Variants in TSBP1 observed in about 807,000 individuals in gnomAD.
The protein encoded by TSBP1 is testis expressed basic protein 1, also known as testis-expressed basic protein 1.
In TSBP1, 56 loss-of-function variants were observed where a neutral mutation model predicts 68.8. The observed-to-expected ratio is 0.81, with a 90% CI of 0.66 to 1.02. TSBP1 has a LOEUF of 1.02. Among genes scored for constraint, TSBP1 ranks in the 50% least tolerant of loss-of-function variants. TSBP1 has a pLI of 0.00. For missense variants in TSBP1, 502 were observed against 641.2 expected, an observed-to-expected ratio of 0.78 and a Z score of 2.34; for synonymous variants, 171 against 208.7, an observed-to-expected ratio of 0.82 and a Z score of 1.56.
chr6:32,353,759 A>C (rs964061551), intron 8 of TSBP1, among the ~76,000 whole-genome samples: 1 of 152,008 alleles, frequency 6.6e-6, no homozygotes, highest in African/African-American at 2.4e-5. Flanking sequence ...TATAAGATGA[A>C]GATGGCATTA....
rs188815775 is a variant in TSBP1, at chr6:32,315,119, G to A, written c.580+653C>T. Among the ~76,000 whole-genome samples, 131 of 152,310 alleles carry A rather than the reference G, an allele frequency of 8.6e-4. No homozygotes were observed. The highest frequency in any genetic ancestry group is 2.8e-3 in the African/African-American group (118 of 41,562). ...CTTAAATCATTTGTAACTGAGATAT[G>A]AGAACCAGATTTGCATTTTGGAAAA... On this transcript the variant is annotated intron_variant, in intron 19 of 22. Coordinates refer to ENST00000612031, the Ensembl canonical transcript of TSBP1. This position sits in a 1 kb window ranked among gnomAD's most constrained non-coding sequence, Gnocchi z 5.4.
chr6:32,319,320 C>T (rs1337768511), intron 18 of TSBP1, among the ~76,000 whole-genome samples: 1 of 131,006 alleles, frequency 7.6e-6, no homozygotes, highest in Non-Finnish European at 1.7e-5. Flanking sequence ...TGATCACTCT[C>T]TCCTTGCCAC....
At chr6:32,367,939 T>A in exon 4 of TSBP1, 1 of 1,611,328 alleles carries the variant, frequency 6.2e-7, no homozygotes, top group Non-Finnish European at 8.5e-7. Flanking sequence ...ACCATCCTCA[T>A]AGTCCAGAAG....
chr6:32,345,061 G>T (rs560118276), intron 9 of TSBP1, among the ~76,000 whole-genome samples: 1 of 151,820 alleles, frequency 6.6e-6, no homozygotes, highest in Non-Finnish European at 1.5e-5. Flanking sequence ...TCACTATGTT[G>T]TCCAGGCTGG....
rs9281727 is a variant in TSBP1, at chr6:32,303,325, T to TC, written c.581-697dup. ...CAGTTCTAGTACGTGTTTTTTTTTT[T>TC]CCCAGTGTGTTTTGAAGCACTGTTG... On this transcript the variant is annotated intron_variant, in intron 19 of 22. Coordinates refer to ENST00000612031, the Ensembl canonical transcript of TSBP1. Among the ~76,000 whole-genome samples, 68 of 150,272 alleles carry TC rather than the reference T, an allele frequency of 4.5e-4. No individual in the cohort carries two copies. The East Asian group carries it at 6.8e-3, about 15-fold the overall frequency.
intron 9 of TSBP1, among the ~76,000 whole-genome samples, chr6:32,347,380 T>C (rs1771162437): frequency 7.5e-6 from 1 of 132,470 alleles, no homozygotes; most frequent in Non-Finnish European, 1.7e-5. Context: ...GAGGCTGTGA[T>C]GTCTGGTTTT....
chr6:32,349,858 G>T (rs2076537), intron 8 of TSBP1, 98 bp from the exon 9 acceptor site: 2 of 1,349,902 alleles, frequency 1.5e-6, no homozygotes, highest in African/African-American at 1.4e-5. Context: ...GTGGAAAAGA[G>T]GATAGAAATG....
intron 8 of TSBP1, chr6:32,352,805 AT>A (rs1771868582): frequency 6.6e-6 from 1 of 151,918 alleles, no homozygotes; most frequent in African/African-American, 2.4e-5. Context: ...TCATGAGGAT[AT>A]GAGTGGATAT....
At chr6:32,367,839 A>G in intron 4 of TSBP1, 86 bp downstream of exon 4, 1 of 997,916 alleles carries the variant, frequency 1.0e-6, no homozygotes, top group Non-Finnish European at 1.5e-6. Flanking sequence ...TGACTCAACA[A>G]ATCATGCTCA....
At position 32,338,966 on chromosome 6, in the gene TSBP1, A is replaced by C; in HGVS notation, c.409+13T>G. ...AAAGCACATGAGAATTAAAGGGCAGAAAAAGAACTTACTCATGGCTCCTGC... is the reference window on the plus strand; with the variant it reads ...AAAGCACATGAGAATTAAAGGGCAGCAAAAGAACTTACTCATGGCTCCTGC... On this transcript the variant is annotated intron_variant, in intron 11 of 22. Transcript: ENST00000612031. This position sits in a 1 kb window ranked among gnomAD's most constrained non-coding sequence, Gnocchi z 5.5. 6.2e-7 allele frequency: 1 copy of C among 1,608,196 alleles called. No homozygotes were observed. Among genetic ancestry groups the C allele is most frequent in the South Asian group, 1.1e-5 (1 of 90,968 alleles).
At chr6:32,296,073 A>C (rs1467934489) in intron 22 of TSBP1, among the ~76,000 whole-genome samples, 1 of 152,078 alleles carries the variant, frequency 6.6e-6, no homozygotes, top group Non-Finnish European at 1.5e-5. Flanking sequence ...TGAACTCCTG[A>C]CCTCAGGTGA....
chr6:32,333,160 C>T lies in TSBP1; in HGVS notation c.473-1106G>A, dbSNP rs1432683644. ...AGTAGCTGGGACTGCAGGCGCACGA[C>T]ACCACACCCAGCTAATTTTTGTATT... On this transcript the variant is annotated intron_variant, in intron 14 of 22. Coordinates refer to ENST00000612031, the Ensembl canonical transcript of TSBP1. This position sits in a 1 kb window ranked among gnomAD's most constrained non-coding sequence, Gnocchi z 4.2. 6.6e-6 allele frequency among the ~76,000 whole-genome samples: 1 copy of T among 152,008 alleles called. No individual in the cohort carries two copies.
chr6:32,365,277 G>A lies in TSBP1; in HGVS notation c.217+890C>T. On this transcript the variant is annotated intron_variant, in intron 6 of 22. Transcript: ENST00000612031. This position sits in a 1 kb window ranked among gnomAD's most constrained non-coding sequence, Gnocchi z 4.3. The stretch of plus-strand genomic sequence containing the variant: ...GAGCCTTCCCTTTGTTTTCCCTAGG[G>A]TGGTGCTCTGGAATTCTCAAGTTTG... 1 of 456,446 alleles carries A rather than the reference G, an allele frequency of 2.2e-6. No homozygotes were observed. Among genetic ancestry groups the A allele is most frequent in the East Asian group, 7.0e-5 (1 of 14,388 alleles). The allele number at this position is 456,446 out of a possible 1,614,324, so 28.3% of individuals were successfully genotyped here.
In TSBP1 at chr6:32,370,005, T is replaced by TAA. The variant is rs777583233; in HGVS notation, c.14-24_14-23dup. On this transcript the variant is annotated intron_variant, in intron 1 of 22. Transcript: ENST00000612031. Reference sequence around the variant, plus strand: ...ATTTCTGAAAACAAAAACTCACCTGTAAACATGCTTATTTAGACCAGGAAA... The same window carrying TAA: ...ATTTCTGAAAACAAAAACTCACCTGTAAAAACATGCTTATTTAGACCAGGAAA... The TAA allele has an allele frequency of 3.4e-6, 5 of 1,468,528 alleles. No homozygotes were observed. The Admixed American group carries it at 8.4e-5, about 25-fold the overall frequency. The allele number at this position is 1,468,528 out of a possible 1,614,324, so 91.0% of individuals were successfully genotyped here. A position where few individuals can be genotyped will look rare whatever the true frequency, so the allele number is the denominator to read the frequency against.
intron 8 of TSBP1, among the ~76,000 whole-genome samples, chr6:32,353,584 A>G (rs1049374570): frequency 6.6e-6 from 1 of 152,000 alleles, no homozygotes; most frequent in African/African-American, 2.4e-5. Flanking sequence ...TGTAAGAGAA[A>G]AGGTCAAAGA....
chr6:32,366,252 C>A (rs1288074550), intron 5 of TSBP1, 21 bp downstream of exon 5: 1 of 1,593,550 alleles, frequency 6.3e-7, no homozygotes, highest in Non-Finnish European at 8.5e-7. Context: ...ATATTAATTT[C>A]TTAGCAATAC....
chr6:32,352,404 A>C (rs1031746094), intron 8 of TSBP1, among the ~76,000 whole-genome samples: 1 of 151,878 alleles, frequency 6.6e-6, no homozygotes, highest in Non-Finnish European at 1.5e-5. Context: ...TACAAATATC[A>C]GGATACATAA....
rs510181 is a variant in TSBP1, at chr6:32,325,657, A to G, written c.515-2043T>C. ...ACCGAGGCAGTTGCAAGAAAAGGGG[A>G]TTTGCCTTTGTAACCTTTGATGACC... is the stretch of plus-strand genomic sequence containing the variant. On this transcript the variant is annotated intron_variant, in intron 16 of 22. Coordinates refer to ENST00000612031, the Ensembl canonical transcript of TSBP1. The surrounding 1 kb of genome is among the most constrained non-coding windows in gnomAD (Gnocchi z 4.4). 1 of 1,048,208 alleles carries G rather than the reference A, an allele frequency of 9.5e-7. No individual in the cohort carries two copies. Among genetic ancestry groups the G allele is most frequent in the Non-Finnish European group, 1.5e-6 (1 of 680,036 alleles). The allele number at this position is 1,048,208 out of a possible 1,614,324, so 64.9% of individuals were successfully genotyped here. A position where few individuals can be genotyped will look rare whatever the true frequency, so the allele number is the denominator to read the frequency against.
At position 32,332,020 on chromosome 6, in the gene TSBP1, T is replaced by C. The variant is rs745937901; in HGVS notation, c.493+14A>G. On this transcript the variant is annotated intron_variant, in intron 15 of 22. Coordinates refer to ENST00000612031, the Ensembl canonical transcript of TSBP1. ...AAGCCAGTAGAGATAAGTTGATATA[T>C]ACAGGCAGCTTACCAATAGGTCCTG... 6.3e-7 allele frequency: 1 copy of C among 1,588,442 alleles called. No homozygotes were observed.
Sources: gnomAD v4.1 joint callset for allele counts (sites outside exome capture counted in the v4.1 genomes callset) on GRCh38, gnomAD v4.1.1 for gene constraint, Gnocchi (gnomAD v3.1) non-coding constraint, MANE v1.5 for transcripts, NCBI Gene and HGNC (gene_info 2026-07-23, HGNC 2026-07-21) for gene names.